Variants in TM4SF4 observed in about 807,000 individuals in gnomAD.
TM4SF4 encodes transmembrane 4 L6 family member 4.
Under a neutral mutation model 24.1 loss-of-function variants are expected in TM4SF4, and 24 were observed. The ratio of observed to expected loss-of-function variants is 1.00; its 90% CI spans 0.72 to 1.40. The LOEUF is 1.40. Ranked by LOEUF, TM4SF4 falls within the 40% of genes most tolerant of loss-of-function variation. TM4SF4 has a pLI of 0.00. For synonymous variants in TM4SF4, 113 were observed against 97.0 expected, an observed-to-expected ratio of 1.17 and a Z score of -0.97; for missense variants, 254 against 254.2, an observed-to-expected ratio of 1.00 and a Z score of 0.01.
intron 3 of TM4SF4, among the ~76,000 whole-genome samples, chr3:149,492,659 C>G (rs1734232727): frequency 6.6e-6 from 1 of 152,122 alleles, no homozygotes; most frequent in Admixed American, 6.5e-5. Flanking sequence ...AACTCTTTAC[C>G]TCCTTAGAAA....
chr3:149,485,832 T>C (rs1362582027), intron 2 of TM4SF4, among the ~76,000 whole-genome samples: 1 of 150,326 alleles, frequency 6.7e-6, no homozygotes. Flanking sequence ...ACCTATGCAT[T>C]ATTGTATTAG....
intron 2 of TM4SF4, among the ~76,000 whole-genome samples, chr3:149,481,868 G>A (rs991670130): frequency 1.3e-5 from 2 of 152,218 alleles, no homozygotes; most frequent in Non-Finnish European, 2.9e-5. Context: ...GAGCAGCTGC[G>A]AGGGAATTAG....
At chr3:149,482,744 AT>A (rs1433592812) in intron 2 of TM4SF4, among the ~76,000 whole-genome samples, 8 of 151,902 alleles carry the variant, frequency 5.3e-5, no homozygotes, top group Admixed American at 5.2e-4. Context: ...GAATTTCACC[AT>A]TTTGGCCAGG....
intron 3 of TM4SF4, among the ~76,000 whole-genome samples, chr3:149,493,726 G>A (rs994115403): frequency 2.0e-5 from 3 of 152,174 alleles, no homozygotes; most frequent in African/African-American, 7.2e-5. Flanking sequence ...CTGAAGAGAG[G>A]ACAAACAAAT....
intron 4 of TM4SF4, among the ~76,000 whole-genome samples, chr3:149,501,840 G>A (rs1734433550): frequency 6.6e-6 from 1 of 152,338 alleles, no homozygotes; most frequent in South Asian, 2.1e-4. Flanking sequence ...AGCTTCCTGA[G>A]CCTGGCACAG....
At position 149,477,015 on chromosome 3, in the gene TM4SF4, G is replaced by A. The variant is rs1460874263; in HGVS notation, c.264+1103G>A. 6.6e-5 allele frequency among the ~76,000 whole-genome samples: 10 copies of A among 151,700 alleles called. No individual in the cohort carries two copies. The South Asian group carries it at 1.5e-3, about 22-fold the overall frequency. On this transcript the variant is annotated intron_variant, in intron 2 of 4. Coordinates refer to ENST00000305354, the MANE Select transcript of TM4SF4 (RefSeq NM_004617.4). ...GAGTTTGGGCATGTTTCCTAGGCTGGTCTCAAACTCCCGGACTCAAGCAAT... is the reference window on the plus strand; with the variant it reads ...GAGTTTGGGCATGTTTCCTAGGCTGATCTCAAACTCCCGGACTCAAGCAAT...
At chr3:149,495,610 A>G (rs1215310586) in intron 3 of TM4SF4, 2 of 340,220 alleles carry the variant, frequency 5.9e-6, no homozygotes, top group Non-Finnish European at 1.2e-5. Context: ...GGTAACAGCA[A>G]AAATGACCCA....
At chr3:149,498,980 G>C (rs771695314) in intron 4 of TM4SF4, 69 bp downstream of exon 4, 60 of 1,500,736 alleles carry the variant, frequency 4.0e-5, no homozygotes, top group Non-Finnish European at 5.4e-5. Context: ...GCATAAGGGA[G>C]GCCAGGTCAG....
intron 2 of TM4SF4, among the ~76,000 whole-genome samples, chr3:149,481,502 A>C (rs1262516083): frequency 6.6e-6 from 1 of 152,060 alleles, no homozygotes; most frequent in African/African-American, 2.4e-5. Context: ...CACTTCCCCC[A>C]CTCCCTTCCC....
At chr3:149,477,996 G>A (rs1166303955) in intron 2 of TM4SF4, among the ~76,000 whole-genome samples, 6 of 152,114 alleles carry the variant, frequency 3.9e-5, no homozygotes, top group Non-Finnish European at 7.4e-5. Flanking sequence ...ATAAAAATAA[G>A]GGATCTTTTG....
chr3:149,477,292 A>C (rs1733949949), intron 2 of TM4SF4, among the ~76,000 whole-genome samples: 3 of 152,294 alleles, frequency 2.0e-5, no homozygotes, highest in Middle Eastern at 6.8e-3. Flanking sequence ...AAATATTAAG[A>C]GTTAGATATA....
intron 2 of TM4SF4, among the ~76,000 whole-genome samples, chr3:149,481,848 T>C (rs571825461): frequency 6.6e-6 from 1 of 152,364 alleles, no homozygotes; most frequent in South Asian, 2.1e-4. Context: ...GTGAGCAGAA[T>C]ATGTGCACTG....
chr3:149,498,044 A>C (rs1734344326), intron 3 of TM4SF4, among the ~76,000 whole-genome samples: 1 of 152,238 alleles, frequency 6.6e-6, no homozygotes, highest in Non-Finnish European at 1.5e-5. Context: ...GTATTAAGGC[A>C]ACAGACTATT....
intron 2 of TM4SF4, among the ~76,000 whole-genome samples, chr3:149,477,247 T>C (rs1015530163): frequency 1.3e-5 from 2 of 152,248 alleles, no homozygotes; most frequent in African/African-American, 4.8e-5. Flanking sequence ...TTCATTCATA[T>C]AGTGATATAA....
At chr3:149,483,524 GAA>G (rs200330861) in intron 2 of TM4SF4, among the ~76,000 whole-genome samples, 3 of 136,450 alleles carry the variant, frequency 2.2e-5, no homozygotes, top group Non-Finnish European at 3.2e-5. Context: ...GGAGTCACAG[GAA>G]AAAAAAAAAA....
intron 3 of TM4SF4, among the ~76,000 whole-genome samples, chr3:149,490,999 C>A (rs1477088969): frequency 6.6e-6 from 1 of 151,708 alleles, no homozygotes; most frequent in Non-Finnish European, 1.5e-5. Flanking sequence ...CTTTTTCTTC[C>A]CAGTGAGTAA....
intron 2 of TM4SF4, among the ~76,000 whole-genome samples, chr3:149,483,357 G>C (rs746245601): frequency 3.9e-5 from 6 of 152,126 alleles, no homozygotes; most frequent in Non-Finnish European, 7.4e-5. Context: ...TCCCAGTACT[G>C]TAATCCCAGT....
chr3:149,498,981 G>A (rs1474981479), intron 4 of TM4SF4, 70 bp downstream of exon 4: 1 of 1,503,676 alleles, frequency 6.7e-7, no homozygotes, highest in Admixed American at 1.8e-5. Flanking sequence ...CATAAGGGAG[G>A]CCAGGTCAGG....
At chr3:149,492,502 T>C (rs1734229112) in intron 3 of TM4SF4, among the ~76,000 whole-genome samples, 2 of 152,006 alleles carry the variant, frequency 1.3e-5, no homozygotes, top group South Asian at 4.2e-4. Flanking sequence ...CAATTGGCCA[T>C]CCCTCCCTTG....
Sources: gnomAD v4.1 joint callset for allele counts (sites outside exome capture counted in the v4.1 genomes callset) on GRCh38, gnomAD v4.1.1 for gene constraint, MANE v1.5 for transcripts, NCBI Gene and HGNC (gene_info 2026-07-23, HGNC 2026-07-21) for gene names.